The following NLGN1 variants were observed in gnomAD, a reference collection of about 807,000 sequenced individuals.
The protein encoded by NLGN1 is neuroligin 1.
In NLGN1, 12 loss-of-function variants were observed where a neutral mutation model predicts 65.5. The observed-to-expected ratio is 0.18, with a 90% CI of 0.12 to 0.30. The LOEUF (loss-of-function observed/expected upper bound fraction) is 0.30. Ranked by LOEUF, NLGN1 falls within the 10% of genes least tolerant of loss-of-function variation. The probability of loss-of-function intolerance (pLI) is 1.00; values close to 1 mark genes in which losing one functional copy is unlikely to be tolerated. For missense variants in NLGN1, 750 were observed against 1,007.1 expected (o/e 0.74, Z 3.46); for synonymous variants, 350 against 359.5 (o/e 0.97, Z 0.30).
intron 3 of NLGN1, among the ~76,000 whole-genome samples, chr3:173,766,640 G>A (rs1244938735): frequency 2.0e-5 from 3 of 152,108 alleles, no homozygotes. Flanking sequence ...ACGAGGTTAA[G>A]TCATACCATT....
chr3:174,037,118 G>A (rs767816102), intron 4 of NLGN1, among the ~76,000 whole-genome samples: 17 of 152,070 alleles, frequency 1.1e-4, no homozygotes, highest in Non-Finnish European at 2.5e-4. Flanking sequence ...TATGTACCCC[G>A]TAATGGGATT....
At chr3:173,722,493 G>A (rs1393578421) in intron 3 of NLGN1, among the ~76,000 whole-genome samples, 1 of 151,986 alleles carries the variant, frequency 6.6e-6, no homozygotes, top group Admixed American at 6.6e-5. Context: ...GCCCGCCTTG[G>A]CTTCCCAGAG....
At chr3:174,293,058 T>C in the NLGN1 span, among the ~76,000 whole-genome samples, 12 of 151,716 alleles carry the variant, frequency 7.9e-5, no homozygotes, top group African/African-American at 2.4e-4. Flanking sequence ...TGAGAAAATA[T>C]GTAGATTTTT....
rs533004832 is a variant in NLGN1, at chr3:174,270,002, A to AT, written c.647-5307dup. On this transcript the variant is annotated intron_variant, in intron 4 of 6. Coordinates refer to ENST00000457714, the Ensembl canonical transcript of NLGN1. Reference sequence around the variant, plus strand: ...AAATATCTATTTAAGTGCTTTGCCCATTTTTTAATTAGGTTATTTGGGTTT... The same window carrying AT: ...AAATATCTATTTAAGTGCTTTGCCCATTTTTTTAATTAGGTTATTTGGGTTT... 1.4e-3 allele frequency among the ~76,000 whole-genome samples: 217 copies of AT among 151,742 alleles called. 1 individual carries two copies. Among genetic ancestry groups the AT allele is most frequent in the Non-Finnish European group, 2.2e-3 (151 of 67,774 alleles).
intron 4 of NLGN1, among the ~76,000 whole-genome samples, chr3:173,917,368 C>T (rs1438917296): frequency 6.6e-6 from 1 of 152,054 alleles, no homozygotes; most frequent in Non-Finnish European, 1.5e-5. Context: ...GTCTTAGTTA[C>T]TTCTTTTGTA....
chr3:173,541,492 T>A (rs1401579018), intron 2 of NLGN1, among the ~76,000 whole-genome samples: 1 of 152,132 alleles, frequency 6.6e-6, no homozygotes, highest in Non-Finnish European at 1.5e-5. Flanking sequence ...CAGTGCATAT[T>A]GTCTATGATT....
chr3:173,618,636 TC>T (rs1753510645), intron 3 of NLGN1, among the ~76,000 whole-genome samples: 1 of 152,092 alleles, frequency 6.6e-6, no homozygotes, highest in Non-Finnish European at 1.5e-5. Context: ...ATGGTTAGTG[TC>T]CCCAAAACAG....
intron 4 of NLGN1, 49 bp downstream of exon 4, chr3:173,807,881 G>A: frequency 1.3e-6 from 2 of 1,566,750 alleles, no homozygotes; most frequent in East Asian, 2.2e-5. Context: ...TGAAGTATGT[G>A]ATGGTTTTGT....
At chr3:174,061,514 T>G (rs1737411517) in intron 4 of NLGN1, among the ~76,000 whole-genome samples, 1 of 152,094 alleles carries the variant, frequency 6.6e-6, no homozygotes, top group African/African-American at 2.4e-5. Context: ...TGAGAGGTAT[T>G]GTCAACCCAT....
intron 4 of NLGN1, among the ~76,000 whole-genome samples, chr3:173,905,534 T>A (rs1017822981): frequency 6.6e-6 from 1 of 152,184 alleles, no homozygotes. Context: ...CCTAAATCTT[T>A]AAGAGAGAAG....
chr3:173,719,840 C>T (rs935700310), intron 3 of NLGN1, among the ~76,000 whole-genome samples: 1 of 152,096 alleles, frequency 6.6e-6, no homozygotes, highest in Non-Finnish European at 1.5e-5. Flanking sequence ...CTGGGCCAGA[C>T]ACAGTGGCTC....
intron 3 of NLGN1, among the ~76,000 whole-genome samples, chr3:173,647,282 T>G (rs976103114): frequency 6.6e-6 from 1 of 152,054 alleles, no homozygotes; most frequent in African/African-American, 2.4e-5. Flanking sequence ...ATTGATAGAA[T>G]CAGTAGACAG....
intron 4 of NLGN1, among the ~76,000 whole-genome samples, chr3:174,043,459 A>T (rs1466445808): frequency 6.6e-6 from 1 of 152,254 alleles, no homozygotes; most frequent in Non-Finnish European, 1.5e-5. Flanking sequence ...ATAGGGGTAC[A>T]GGCATAGGTA....
chr3:173,749,599 T>C (rs1258035831), intron 3 of NLGN1, among the ~76,000 whole-genome samples: 5 of 152,022 alleles, frequency 3.3e-5, no homozygotes, highest in African/African-American at 1.2e-4. Context: ...AGGTCAGCTT[T>C]CCAGTTTGAA....
chr3:173,514,187 T>C (rs1044623147), intron 2 of NLGN1, among the ~76,000 whole-genome samples: 22 of 152,244 alleles, frequency 1.4e-4, no homozygotes, highest in African/African-American at 5.3e-4. Flanking sequence ...TACAGGGTTG[T>C]ATTGAAGAAT....
chr3:173,757,937 A>G (rs1325944286), intron 3 of NLGN1, among the ~76,000 whole-genome samples: 1 of 152,018 alleles, frequency 6.6e-6, no homozygotes, highest in African/African-American at 2.4e-5. Flanking sequence ...ACATGGGAAG[A>G]TGGATGCTAT....
intron 3 of NLGN1, among the ~76,000 whole-genome samples, chr3:173,739,038 A>C (rs192349195): frequency 6.6e-6 from 1 of 152,166 alleles, no homozygotes; most frequent in East Asian, 1.9e-4. Context: ...ATAAACCTTG[A>C]GTTGTCTAGG....
chr3:173,833,738 A>G (rs1723048262), intron 4 of NLGN1, among the ~76,000 whole-genome samples: 1 of 152,010 alleles, frequency 6.6e-6, no homozygotes, highest in African/African-American at 2.4e-5. Flanking sequence ...GGCTGTTCTC[A>G]AACTTCCGGG....
At chr3:173,396,391 T>G (rs1032888799), upstream of NLGN1, 1 of 152,248 alleles carries the variant, frequency 6.6e-6, no homozygotes, top group African/African-American at 2.4e-5. Flanking sequence ...CAGAAGCATC[T>G]GTGGTGCTTT....
Sources: allele counts gnomAD v4.1 joint callset (sites outside exome capture counted in the v4.1 genomes callset), GRCh38; gene constraint gnomAD v4.1.1; transcripts MANE v1.5; gene names NCBI Gene and HGNC (gene_info 2026-07-23, HGNC 2026-07-21).